The following FSIP2 variants were observed in gnomAD, a reference collection of about 807,000 sequenced individuals.
FSIP2 encodes fibrous sheath interacting protein 2, also known as fibrous sheath-interacting protein 2.
A neutral mutation model predicts 510.5 loss-of-function variants in FSIP2; 367 were observed. That is an observed-to-expected ratio of 0.72 (90% confidence interval 0.66 to 0.78). The LOEUF (loss-of-function observed/expected upper bound fraction) is 0.78. Ranked by LOEUF, FSIP2 falls within the 30% of genes least tolerant of loss-of-function variation. FSIP2 has a pLI of 0.00. For missense variants in FSIP2, 7,594 were observed against 7,901.7 expected (o/e 0.96, Z 1.48); for synonymous variants, 2,601 against 2,732.2 (o/e 0.95, Z 1.50).
At chr2:185,773,544 C>T (rs1692654588) in intron 13 of FSIP2, among the ~76,000 whole-genome samples, 1 of 152,322 alleles carries the variant, frequency 6.6e-6, no homozygotes. Context: ...TTTCAAAATA[C>T]ACGTGCTTCA....
chr2:185,743,109 A>G (rs767912732), intron 2 of FSIP2, 24 bp from the exon 3 acceptor site: 6 of 1,383,616 alleles, frequency 4.3e-6, no homozygotes, highest in East Asian at 2.7e-5. Flanking sequence ...TTAATTTTAC[A>G]TATTTTTGAA....
At chr2:185,743,765 A>G (rs1691971761) in intron 3 of FSIP2, among the ~76,000 whole-genome samples, 1 of 152,220 alleles carries the variant, frequency 6.6e-6, no homozygotes, top group Admixed American at 6.5e-5. Context: ...CAGCTAATTG[A>G]AATTATTACT....
At chr2:185,738,498 C>A, upstream of FSIP2, 1 of 1,076,692 alleles carries the variant, frequency 9.3e-7, no homozygotes, top group Non-Finnish European at 1.3e-6. Flanking sequence ...TGGGCAAAAA[C>A]AATCACTCGG....
At chr2:185,833,038 C>A (rs1439414806) in intron 22 of FSIP2, 52 bp from the exon 23 acceptor site, 9 of 1,555,556 alleles carry the variant, frequency 5.8e-6, no homozygotes, top group Admixed American at 5.1e-5. Flanking sequence ...AGGTATTTTA[C>A]CTCAGTGTTC....
chr2:185,777,663 TA>T (rs1166005625), intron 13 of FSIP2, among the ~76,000 whole-genome samples: 3 of 152,136 alleles, frequency 2.0e-5, no homozygotes, highest in Admixed American at 1.3e-4. Context: ...AAGGCTATCA[TA>T]TTTTTTTGTT....
chr2:185,753,370 G>T (rs1408803107), intron 7 of FSIP2, among the ~76,000 whole-genome samples: 6 of 151,400 alleles, frequency 4.0e-5, no homozygotes, highest in African/African-American at 1.4e-4. Context: ...GTTTACCTCT[G>T]GTAGACCTGA....
At chr2:185,771,858 TTAAATA>T (rs1273409177) in intron 13 of FSIP2, among the ~76,000 whole-genome samples, 1 of 152,220 alleles carries the variant, frequency 6.6e-6, no homozygotes, top group African/African-American at 2.4e-5. Flanking sequence ...TGCTTCCCTT[TTAAATA>T]TAAGTTCCAA....
Position 185,801,355 on chromosome 2 carries a change from G to A in FSIP2, c.12049G>A (p.Glu4017Lys). 1 of 1,534,050 alleles carries A rather than the reference G, an allele frequency of 6.5e-7. No homozygotes were observed. Among genetic ancestry groups the A allele is most frequent in the Non-Finnish European group, 8.7e-7 (1 of 1,145,548 alleles). Reference protein sequence around the residue: ...NTLFVNNVVNEFNNAQVTVLR... With the variant: ...NTLFVNNVVNKFNNAQVTVLR... ...ATTATTTGTCAACAATGTAGTGAAT[G>A]AATTTAATAATGCTCAAGTCACTGT... is the stretch of plus-strand genomic sequence containing the variant. Residue 4017 changes from glutamate (E) to lysine (K), a missense_variant, in exon 17 of 23, where the codon GAA (glutamate) becomes AAA (lysine). Transcript: ENST00000424728.
chr2:185,806,606 A>C lies in FSIP2; in HGVS notation c.17300A>C (p.Lys5767Thr), dbSNP rs1693585342. 1.2e-6 allele frequency: 2 copies of C among 1,609,144 alleles called. No homozygotes were observed. The highest frequency in any genetic ancestry group is 1.7e-6 in the Non-Finnish European group (2 of 1,178,218). ...VREEIKSEPS[K>T]PDDPQNQRES... ...GAGGAGATTAAAAGTGAACCCAGTA[A>C]ACCAGATGATCCTCAAAACCAACGA... is the stretch of plus-strand genomic sequence containing the variant. The change falls in exon 17 of 23, where the codon AAA (lysine) becomes ACA (threonine). Residue 5767 changes from lysine (K) to threonine (T), a missense_variant. By Grantham distance (78) the Lys-to-Thr change is moderately conservative (BLOSUM62 -1). Transcript: ENST00000424728.
At position 185,739,537 on chromosome 2, in the gene FSIP2, G is replaced by A. The variant is rs191104797; in HGVS notation, c.225+66G>A. 69 of 1,314,266 alleles carry A rather than the reference G, an allele frequency of 5.3e-5. 1 individual carries two copies. The Admixed American group carries it at 1.9e-3, about 37-fold the overall frequency. The allele number at this position is 1,314,266 out of a possible 1,614,324, so 81.4% of individuals were successfully genotyped here. The stretch of plus-strand genomic sequence containing the variant: ...CTACTTGCTGTTTAACTCAAAGGCT[G>A]CATCATACAAAATTCATTAAAGGAA... On this transcript the variant is annotated intron_variant, in intron 2 of 22. Coordinates refer to ENST00000424728, the MANE Select transcript of FSIP2 (RefSeq NM_173651.4).
chr2:185,802,041 A>G lies in FSIP2; in HGVS notation c.12735A>G (p.Gln4245=), dbSNP rs757892567. 5.9e-6 allele frequency: 9 copies of G among 1,531,996 alleles called. No individual in the cohort carries two copies. Among genetic ancestry groups the G allele is most frequent in the South Asian group, 1.2e-5 (1 of 83,556 alleles). The allele number at this position is 1,531,996 out of a possible 1,614,324, so 94.9% of individuals were successfully genotyped here. A position where few individuals can be genotyped will look rare whatever the true frequency, so the allele number is the denominator to read the frequency against. ...GCCGAAGCCCAATTATGATTGACCA[A>G]ATAGCCAGCTTTATCATCCAAGAGA... The part of the protein sequence containing the change: ...IVSRSPIMID[Q]IASFIIQEII... The change falls in exon 17 of 23, where the codon CAA becomes CAG. Residue 4245 remains glutamine (Q), a synonymous_variant. Transcript: ENST00000424728.
At chr2:185,739,096 C>G (rs1479673778) in intron 1 of FSIP2, 103 bp downstream of exon 1, 2 of 1,376,702 alleles carry the variant, frequency 1.5e-6, no homozygotes, top group Non-Finnish European at 1.9e-6. Context: ...TCCCAACTGT[C>G]CCCCGTCAGG....
chr2:185,769,698 T>C (rs1692568791), intron 13 of FSIP2, among the ~76,000 whole-genome samples: 2 of 152,254 alleles, frequency 1.3e-5, no homozygotes, highest in South Asian at 4.1e-4. Context: ...CCTTCGTCAG[T>C]TCCTATGTCC....
At chr2:185,747,707 T>C (rs7570827) in intron 7 of FSIP2, among the ~76,000 whole-genome samples, 82,579 of 151,732 alleles carry the variant, frequency 0.54, 22,731 homozygotes, top group South Asian at 0.64. Context: ...TTTTTAGAAC[T>C]AGCAGTTCTT....
intron 13 of FSIP2, among the ~76,000 whole-genome samples, chr2:185,780,162 C>A (rs1405413868): frequency 1.3e-5 from 2 of 151,690 alleles, no homozygotes; most frequent in African/African-American, 4.8e-5. Flanking sequence ...CGTCCCCCAC[C>A]TCGGGCTGTT....
chr2:185,833,043 G>A, intron 22 of FSIP2, 47 bp from the exon 23 acceptor site: 1 of 1,576,810 alleles, frequency 6.3e-7, no homozygotes, highest in Non-Finnish European at 8.7e-7. Flanking sequence ...TTTTACCTCA[G>A]TGTTCAAAAA....
chr2:185,777,455 A>C lies in FSIP2; in HGVS notation c.1412-5250A>C, dbSNP rs368376424. 3.3e-5 allele frequency among the ~76,000 whole-genome samples: 5 copies of C among 149,850 alleles called. No individual in the cohort carries two copies. In the East Asian group the frequency reaches 5.9e-4, roughly 18 times the overall value. ...AGACCTGAAGTGCAATGATTAATAA[A>C]GTGGTAAAAGTGGGCTCCTTGTCTT... On this transcript the variant is annotated intron_variant, in intron 13 of 22. Transcript: ENST00000424728.
intron 16 of FSIP2, 98 bp downstream of exon 16, chr2:185,797,624 A>C (rs1693323124): frequency 7.7e-7 from 1 of 1,294,406 alleles, no homozygotes; most frequent in Non-Finnish European, 1.0e-6. Context: ...AGCTGTATTC[A>C]CTATTTTTCT....
chr2:185,792,492 A>C lies in FSIP2; in HGVS notation c.5356A>C (p.Asn1786His), dbSNP rs1437473790. 1 of 1,529,144 alleles carries C rather than the reference A, an allele frequency of 6.5e-7. No individual in the cohort carries two copies. The highest frequency in any genetic ancestry group is 2.0e-5 in the Admixed American group (1 of 50,640). The allele number at this position is 1,529,144 out of a possible 1,614,324, so 94.7% of individuals were successfully genotyped here. A position where few individuals can be genotyped will look rare whatever the true frequency, so the allele number is the denominator to read the frequency against. Reference sequence around the variant, plus strand: ...TGCTCCCATTATAAGAAATATTTTGAATGAAATTTTTCAAAGTACTTTAAT... The same window carrying C: ...TGCTCCCATTATAAGAAATATTTTGCATGAAATTTTTCAAAGTACTTTAAT... ...PIAPIIRNIL[N>H]EIFQSTLINQ... Residue 1786 changes from asparagine (N) to histidine (H), a missense_variant, in exon 16 of 23, where the codon AAT becomes CAT. Coordinates refer to ENST00000424728, the MANE Select transcript of FSIP2 (RefSeq NM_173651.4).
Sources: allele counts gnomAD v4.1 joint callset (sites outside exome capture counted in the v4.1 genomes callset), GRCh38; gene constraint gnomAD v4.1.1; transcripts MANE v1.5; gene names NCBI Gene and HGNC (gene_info 2026-07-23, HGNC 2026-07-21).